Variants in TTLL5 observed in about 807,000 individuals in gnomAD.
The protein encoded by TTLL5 is tubulin tyrosine ligase like 5, also known as tubulin polyglutamylase TTLL5.
TTLL5 carries 132 observed loss-of-function variants against 168.4 expected under a neutral mutation model. That is an observed-to-expected ratio of 0.78 (90% confidence interval 0.68 to 0.91). The LOEUF is 0.91. TTLL5 is among the 40% of genes least tolerant of loss of function. TTLL5 has a pLI of 0.00. For missense variants in TTLL5, 1,545 were observed against 1,581.5 expected (o/e 0.98, Z 0.39); for synonymous variants, 546 against 558.6 (o/e 0.98, Z 0.32).
chr14:75,689,230 G>C (rs528315908), intron 5 of TTLL5, among the ~76,000 whole-genome samples: 1 of 152,310 alleles, frequency 6.6e-6, no homozygotes, highest in African/African-American at 2.4e-5. Context: ...CCATCTGGAA[G>C]TTGGGTTTTC....
In TTLL5 at chr14:75,784,904, T is replaced by C. The variant is rs564916036; in HGVS notation, c.2986+1374T>C. Among the ~76,000 whole-genome samples, 349 of 152,320 alleles carry C rather than the reference T, an allele frequency of 2.3e-3. 1 individual carries two copies. Among genetic ancestry groups the C allele is most frequent in the African/African-American group, 8.2e-3 (340 of 41,588 alleles). On this transcript the variant is annotated intron_variant, in intron 26 of 31. Transcript: ENST00000298832. Reference sequence around the variant, plus strand: ...TATATCTTCTTTGGAGGAATGTCTATTTAAATTATTTGCCCTTTTTAAAAT... The same window carrying C: ...TATATCTTCTTTGGAGGAATGTCTACTTAAATTATTTGCCCTTTTTAAAAT...
chr14:75,695,998 C>T (rs1885831416), intron 6 of TTLL5, among the ~76,000 whole-genome samples: 1 of 147,426 alleles, frequency 6.8e-6, no homozygotes, highest in African/African-American at 2.5e-5. Flanking sequence ...CTCATGTAAT[C>T]TGCCCACCTC....
chr14:75,922,317 A>C (rs1595273090), intron 31 of TTLL5, among the ~76,000 whole-genome samples: 2 of 151,396 alleles, frequency 1.3e-5, no homozygotes, highest in African/African-American at 2.4e-5. Flanking sequence ...GCCGGTTTTC[A>C]AAGGGAATGC....
intron 31 of TTLL5, among the ~76,000 whole-genome samples, chr14:75,920,739 T>G (rs1268726976): frequency 6.6e-6 from 1 of 152,226 alleles, no homozygotes; most frequent in African/African-American, 2.4e-5. Flanking sequence ...AGTAGCATGA[T>G]TTATAATCCT....
chr14:75,851,372 T>C (rs1896844778), intron 28 of TTLL5, among the ~76,000 whole-genome samples: 1 of 152,194 alleles, frequency 6.6e-6, no homozygotes, highest in Non-Finnish European at 1.5e-5. Context: ...TATAATACTT[T>C]TATTCTTAAA....
At chr14:75,778,740 A>G (rs761866191) in intron 23 of TTLL5, among the ~76,000 whole-genome samples, 16 of 151,920 alleles carry the variant, frequency 1.1e-4, no homozygotes, top group Non-Finnish European at 1.8e-4. Flanking sequence ...GCTGCTACAG[A>G]TGTTAAAGTC....
chr14:75,875,661 T>C (rs1470156936), intron 29 of TTLL5, among the ~76,000 whole-genome samples: 1 of 152,170 alleles, frequency 6.6e-6, no homozygotes, highest in Non-Finnish European at 1.5e-5. Context: ...TAATAAACCA[T>C]AGTAGAAAAA....
chr14:75,928,362 T>TATATATATATATATAC (rs1320038817), intron 31 of TTLL5, among the ~76,000 whole-genome samples: 29 of 141,036 alleles, frequency 2.1e-4, no homozygotes, highest in Non-Finnish European at 4.6e-5. Context: ...TATATATATA[T>TATATATATATATATAC]ATATATCACT....
chr14:75,817,012 C>T (rs1291538193), intron 27 of TTLL5, among the ~76,000 whole-genome samples: 3 of 121,168 alleles, frequency 2.5e-5, no homozygotes, highest in African/African-American at 9.4e-5. Context: ...ACAAGAGTCT[C>T]GCTCTGTCGC....
At chr14:75,701,038 T>G (rs1014290690) in intron 7 of TTLL5, among the ~76,000 whole-genome samples, 7 of 151,938 alleles carry the variant, frequency 4.6e-5, no homozygotes, top group African/African-American at 1.7e-4. Flanking sequence ...TCATGTTAAC[T>G]TTTCTCGCAT....
intron 6 of TTLL5, among the ~76,000 whole-genome samples, chr14:75,692,269 T>C (rs1419019476): frequency 6.6e-6 from 1 of 152,216 alleles, no homozygotes; most frequent in Admixed American, 6.5e-5. Context: ...TACTATTTCC[T>C]ATTTCAGGCT....
At chr14:75,810,208 C>G (rs761301323) in intron 27 of TTLL5, among the ~76,000 whole-genome samples, 4 of 152,118 alleles carry the variant, frequency 2.6e-5, no homozygotes, top group Non-Finnish European at 5.9e-5. Context: ...CCTTCTCAGA[C>G]AAGAATTATC....
chr14:75,891,789 A>G (rs979736369), intron 30 of TTLL5, among the ~76,000 whole-genome samples: 3 of 152,208 alleles, frequency 2.0e-5, no homozygotes, highest in African/African-American at 7.2e-5. Flanking sequence ...GGAATTTGAA[A>G]TGGGATTCGG....
chr14:75,872,199 C>G (rs2031090911), intron 29 of TTLL5, among the ~76,000 whole-genome samples: 1 of 152,114 alleles, frequency 6.6e-6, no homozygotes, highest in Non-Finnish European at 1.5e-5. Context: ...TGCTTACAGA[C>G]AATAATTTTT....
intron 21 of TTLL5, among the ~76,000 whole-genome samples, chr14:75,774,775 A>G (rs147023319): frequency 0.012 from 1,888 of 151,590 alleles, 15 homozygotes; most frequent in South Asian, 0.026. Context: ...TGCAACCTCC[A>G]CCTCCTGGGT....
chr14:75,844,025 TGGGTCTACCACTACTCCCG>T (rs1896404547), intron 28 of TTLL5, among the ~76,000 whole-genome samples: 1 of 151,832 alleles, frequency 6.6e-6, no homozygotes, highest in South Asian at 2.1e-4. Context: ...CCCGAGTAGC[TGGGTCTACCACTACTCCCG>T]GCTAATTTTT....
Position 75,905,700 on chromosome 14 carries a change from G to A in TTLL5, c.3823+3476G>A, listed in dbSNP as rs561939099. Among the ~76,000 whole-genome samples the A allele has an allele frequency of 6.2e-4, 95 of 152,320 alleles. 1 individual carries two copies. Among genetic ancestry groups the A allele is most frequent in the Middle Eastern group, 6.8e-3 (2 of 294 alleles). On this transcript the variant is annotated intron_variant, in intron 31 of 31. Coordinates refer to ENST00000298832, the MANE Select transcript of TTLL5 (RefSeq NM_015072.5). Reference sequence around the variant, plus strand: ...TGTGGTGTTCTTCTTGAGTTCTGAGGTGGTGATGGTAAACTAAAATAGCAG... The same window carrying A: ...TGTGGTGTTCTTCTTGAGTTCTGAGATGGTGATGGTAAACTAAAATAGCAG...
chr14:75,683,965 G>A (rs1183964158), intron 5 of TTLL5: 2 of 264,712 alleles, frequency 7.6e-6, no homozygotes, highest in African/African-American at 2.3e-5. Context: ...GGAGAGACGA[G>A]GTTTCGCCAT....
chr14:75,903,151 G>A (rs1227627957), intron 31 of TTLL5, among the ~76,000 whole-genome samples: 2 of 152,184 alleles, frequency 1.3e-5, no homozygotes, highest in Non-Finnish European at 2.9e-5. Context: ...AAAGGCACAG[G>A]CAGATTATCA....
Sources: gnomAD v4.1 joint callset for allele counts (sites outside exome capture counted in the v4.1 genomes callset) on GRCh38, gnomAD v4.1.1 for gene constraint, MANE v1.5 for transcripts, NCBI Gene and HGNC (gene_info 2026-07-23, HGNC 2026-07-21) for gene names.